The following UBE2E2 variants were observed in gnomAD, a reference collection of about 807,000 sequenced individuals.
UBE2E2 encodes ubiquitin conjugating enzyme E2 E2.
In UBE2E2, 6 loss-of-function variants were observed where a neutral mutation model predicts 24.7. The ratio of observed to expected loss-of-function variants is 0.24; its 90% CI spans 0.13 to 0.48. The LOEUF is 0.48. Among genes scored for constraint, UBE2E2 ranks in the 20% least tolerant of loss-of-function variants. The probability of loss-of-function intolerance (pLI) is 0.99; values close to 1 mark genes in which losing one functional copy is unlikely to be tolerated. For synonymous variants in UBE2E2, 104 were observed against 83.6 expected (o/e 1.24, Z -1.33); for missense variants, 169 against 245.0 (o/e 0.69, Z 2.07).
rs373917188 is a variant in UBE2E2 at position 23,288,361 on chromosome 3, T to C, written c.227+71049T>C. ...ATAGTCTATCCTTGGGAATGATTCA[T>C]GTGCTGAGGAGAAAAATGTGTATTC... On this transcript the variant is annotated intron_variant, in intron 3 of 5. Transcript: ENST00000396703. 7.2e-5 allele frequency among the ~76,000 whole-genome samples: 11 copies of C among 152,336 alleles called. No individual in the cohort carries two copies. The East Asian group carries it at 1.3e-3, about 19-fold the overall frequency.
At chr3:23,374,368 C>T (rs1300143971) in intron 3 of UBE2E2, among the ~76,000 whole-genome samples, 1 of 152,120 alleles carries the variant, frequency 6.6e-6, no homozygotes, top group East Asian at 1.9e-4. Flanking sequence ...AATTATTCTT[C>T]AAATTTAAAT....
At chr3:23,257,530 C>T (rs929413347) in intron 3 of UBE2E2, among the ~76,000 whole-genome samples, 6 of 16,260 alleles carry the variant, frequency 3.7e-4, no homozygotes, top group Non-Finnish European at 5.1e-4. Flanking sequence ...CCCCCCCCCA[C>T]TTTTTTTTTT....
intron 5 of UBE2E2, among the ~76,000 whole-genome samples, chr3:23,535,088 A>G (rs974874882): frequency 6.6e-6 from 1 of 152,242 alleles, no homozygotes; most frequent in Non-Finnish European, 1.5e-5. Flanking sequence ...ATTTGTAGAC[A>G]GCAGATGTAG....
chr3:23,346,657 C>T (rs1475243997), intron 3 of UBE2E2, among the ~76,000 whole-genome samples: 1 of 152,170 alleles, frequency 6.6e-6, no homozygotes, highest in Admixed American at 6.5e-5. Flanking sequence ...TGTTACTTTC[C>T]ATTACCATGC....
At position 23,529,434 on chromosome 3, in the gene UBE2E2, A is replaced by G. The variant is rs1009144342; in HGVS notation, c.361-3120A>G. On this transcript the variant is annotated intron_variant, in intron 4 of 5. Transcript: ENST00000396703. Reference sequence around the variant, plus strand: ...CTTTATTTCTTACAACTGTACATGAATCTACAATTATCCCAGAATTATAAA... The same window carrying G: ...CTTTATTTCTTACAACTGTACATGAGTCTACAATTATCCCAGAATTATAAA... 8.8e-5 allele frequency among the ~76,000 whole-genome samples: 13 copies of G among 147,932 alleles called. 2 individuals carry two copies. The highest frequency in any genetic ancestry group is 2.0e-4 in the Admixed American group (3 of 14,948).
At chr3:23,304,755 A>G (rs1699195001) in intron 3 of UBE2E2, among the ~76,000 whole-genome samples, 1 of 152,218 alleles carries the variant, frequency 6.6e-6, no homozygotes, top group Admixed American at 6.5e-5. Flanking sequence ...CTGAAATCAT[A>G]TCAGTGAACT....
chr3:23,334,706 A>G (rs1449100075), intron 3 of UBE2E2, among the ~76,000 whole-genome samples: 1 of 152,174 alleles, frequency 6.6e-6, no homozygotes, highest in Non-Finnish European at 1.5e-5. Flanking sequence ...GATCAACTGT[A>G]TTATGTTTTT....
intron 5 of UBE2E2, among the ~76,000 whole-genome samples, chr3:23,555,961 T>C (rs1695769317): frequency 6.6e-6 from 1 of 152,014 alleles, no homozygotes; most frequent in Non-Finnish European, 1.5e-5. Context: ...CTATAGTTAA[T>C]AATAGTGTCT....
At chr3:23,390,370 T>C (rs979782338) in intron 3 of UBE2E2, among the ~76,000 whole-genome samples, 18 of 152,280 alleles carry the variant, frequency 1.2e-4, no homozygotes, top group Admixed American at 5.9e-4. Flanking sequence ...TGTCGGAGAC[T>C]ACAGATAGAT....
intron 3 of UBE2E2, among the ~76,000 whole-genome samples, chr3:23,370,696 G>A (rs1002477242): frequency 2.2e-4 from 33 of 152,180 alleles, no homozygotes; most frequent in Non-Finnish European, 2.2e-4. Flanking sequence ...GAAGGAGATG[G>A]AGGAGATCAT....
intron 3 of UBE2E2, among the ~76,000 whole-genome samples, chr3:23,355,750 G>T (rs190174172): frequency 7.9e-5 from 12 of 152,214 alleles, no homozygotes; most frequent in Admixed American, 7.9e-4. Flanking sequence ...AACCTGTATT[G>T]CATGAGCAAT....
intron 3 of UBE2E2, among the ~76,000 whole-genome samples, chr3:23,420,448 G>A (rs1440890858): frequency 1.3e-5 from 2 of 152,176 alleles, no homozygotes; most frequent in Non-Finnish European, 2.9e-5. Context: ...TAGTTTGAAT[G>A]ACATATTATT....
At chr3:23,500,399 T>C (rs1188134670) in intron 4 of UBE2E2, among the ~76,000 whole-genome samples, 1 of 152,228 alleles carries the variant, frequency 6.6e-6, no homozygotes, top group Non-Finnish European at 1.5e-5. Context: ...TCCTCACTTA[T>C]TTAAGCCAAG....
intron 5 of UBE2E2, among the ~76,000 whole-genome samples, chr3:23,548,711 C>A (rs537696183): frequency 5.9e-5 from 9 of 152,180 alleles, no homozygotes; most frequent in Admixed American, 1.3e-4. Context: ...TCCTTAACTT[C>A]ATTTAACCTT....
In UBE2E2 at chr3:23,459,087, G is replaced by C. The variant is rs192239793; in HGVS notation, c.228-40521G>C. ...GTGTTCAATTTTCTGCCTTAATTAT[G>C]TGCCCATACAGATTTAAACTAAACA... On this transcript the variant is annotated intron_variant, in intron 3 of 5. Transcript: ENST00000396703. Among the ~76,000 whole-genome samples the C allele has an allele frequency of 2.4e-3, 372 of 152,192 alleles. 9 individuals are homozygous for C. Among genetic ancestry groups the C allele is most frequent in the Non-Finnish European group, 1.4e-3 (93 of 68,006 alleles).
chr3:23,492,380 C>G (rs1387171248), intron 3 of UBE2E2, among the ~76,000 whole-genome samples: 1 of 152,166 alleles, frequency 6.6e-6, no homozygotes, highest in Non-Finnish European at 1.5e-5. Context: ...ACCCTATTCC[C>G]TGGTAATTTC....
intron 3 of UBE2E2, among the ~76,000 whole-genome samples, chr3:23,257,268 T>G (rs902288660): frequency 2.0e-5 from 3 of 152,160 alleles, no homozygotes; most frequent in African/African-American, 4.8e-5. Flanking sequence ...GCTAAGATCT[T>G]TCTTGGTAAT....
chr3:23,229,510 G>A (rs979428656), intron 3 of UBE2E2, among the ~76,000 whole-genome samples: 2 of 152,158 alleles, frequency 1.3e-5, no homozygotes, highest in African/African-American at 4.8e-5. Flanking sequence ...GTTGAGGTGG[G>A]TAGTAGTTTT....
chr3:23,298,971 T>G (rs1417120604), intron 3 of UBE2E2, among the ~76,000 whole-genome samples: 1 of 152,188 alleles, frequency 6.6e-6, no homozygotes, highest in Non-Finnish European at 1.5e-5. Context: ...TCAGAGCCTG[T>G]TATTGGTCTA....
Sources: allele counts gnomAD v4.1 joint callset (sites outside exome capture counted in the v4.1 genomes callset), GRCh38; gene constraint gnomAD v4.1.1; transcripts MANE v1.5; gene names NCBI Gene and HGNC (gene_info 2026-07-23, HGNC 2026-07-21).